LYPD6: variants seen among roughly 807,000 people sequenced by gnomAD.
LYPD6 encodes the protein ly6/PLAUR domain-containing protein 6.
A neutral mutation model predicts 22.7 loss-of-function variants in LYPD6; 15 were observed. That is an observed-to-expected ratio of 0.66 (90% CI 0.44 to 1.02). The LOEUF (loss-of-function observed/expected upper bound fraction) is 1.02, where lower values mean the gene tolerates loss of function less well. Among genes scored for constraint, LYPD6 ranks in the 50% least tolerant of loss-of-function variants. The pLI is 0.00. For missense variants in LYPD6, 189 were observed against 208.4 expected (o/e 0.91, Z 0.57); for synonymous variants, 72 against 77.5 (o/e 0.93, Z 0.37).
rs566743959 is a variant in LYPD6 at position 149,448,617 on chromosome 2, C to T, written c.119-432C>T. On this transcript the variant is annotated intron_variant, in intron 2 of 4. Coordinates refer to ENST00000334166, the MANE Select transcript of LYPD6 (RefSeq NM_194317.5). ...TTTCAAAAATGTCATATAAATGGAA[C>T]CATGCAATATATAACGTTTTGGGAT... 2.9e-4 allele frequency among the ~76,000 whole-genome samples: 44 copies of T among 151,994 alleles called. 1 individual carries two copies. The highest frequency in any genetic ancestry group is 4.7e-4 in the Non-Finnish European group (32 of 68,010).
Position 149,341,167 on chromosome 2 carries a change from C to T in LYPD6, c.-72+10445C>T, listed in dbSNP as rs11891416. Among the ~76,000 whole-genome samples, 928 of 152,056 alleles carry T rather than the reference C, an allele frequency of 6.1e-3. 11 individuals carry two copies. Among genetic ancestry groups the T allele is most frequent in the African/African-American group, 0.021 (856 of 41,494 alleles). On this transcript the variant is annotated intron_variant, in intron 1 of 4. Transcript: ENST00000334166. ...GTTGAGTTCTTTTAATTCAGATTCCCGATCTGAATTAAAAGAACTACCCGA... is the reference window on the plus strand; with the variant it reads ...GTTGAGTTCTTTTAATTCAGATTCCTGATCTGAATTAAAAGAACTACCCGA...
intron 1 of LYPD6, among the ~76,000 whole-genome samples, chr2:149,372,561 C>T (rs753403129): frequency 2.3e-4 from 35 of 152,174 alleles, no homozygotes; most frequent in Non-Finnish European, 3.2e-4. Flanking sequence ...GGAATTGAGA[C>T]ATTTGACATT....
chr2:149,402,045 C>T lies in LYPD6; in HGVS notation c.-71-35593C>T, dbSNP rs143701665. On this transcript the variant is annotated intron_variant, in intron 1 of 4. Transcript: ENST00000334166. ...CATGAGAGGCTTAAAACCTAGATGA[C>T]GGGTTGACAGGTGCAGCAAACCACC... Among the ~76,000 whole-genome samples the T allele has an allele frequency of 3.0e-3, 454 of 151,976 alleles. 3 individuals carry two copies. Among genetic ancestry groups the T allele is most frequent in the South Asian group, 0.014 (68 of 4,798 alleles).
intron 1 of LYPD6, among the ~76,000 whole-genome samples, chr2:149,376,780 G>A (rs995471808): frequency 1.3e-5 from 2 of 152,172 alleles, no homozygotes; most frequent in African/African-American, 4.8e-5. Context: ...AGAAAGATTT[G>A]AAATCCTCAG....
the LYPD6 span, among the ~76,000 whole-genome samples, chr2:149,485,871 G>A: frequency 6.6e-6 from 1 of 152,126 alleles, no homozygotes; most frequent in African/African-American, 2.4e-5. Context: ...TGCAGGCAAA[G>A]ACACTATGGC....
chr2:149,457,902 G>C (rs1681000318), intron 3 of LYPD6, among the ~76,000 whole-genome samples: 1 of 152,162 alleles, frequency 6.6e-6, no homozygotes, highest in Non-Finnish European at 1.5e-5. Flanking sequence ...TTTTCTTTCA[G>C]TCTCATATAT....
At chr2:149,344,993 T>C (rs1219333595) in intron 1 of LYPD6, among the ~76,000 whole-genome samples, 2 of 152,050 alleles carry the variant, frequency 1.3e-5, no homozygotes, top group African/African-American at 4.8e-5. Flanking sequence ...GGCTGCAGTG[T>C]GCTGTGACTG....
At chr2:149,399,662 GAA>G (rs999782144) in intron 1 of LYPD6, among the ~76,000 whole-genome samples, 1 of 146,492 alleles carries the variant, frequency 6.8e-6, no homozygotes, top group Non-Finnish European at 1.5e-5. Context: ...AATAAAAGTG[GAA>G]AAAAACCAAA....
intron 1 of LYPD6, among the ~76,000 whole-genome samples, chr2:149,406,382 G>T (rs1682708519): frequency 6.6e-6 from 1 of 151,448 alleles, no homozygotes; most frequent in Non-Finnish European, 1.5e-5. Flanking sequence ...CTCTTTGTAG[G>T]TCACTCAGGA....
At chr2:149,331,580 A>G (rs952947445) in intron 1 of LYPD6, among the ~76,000 whole-genome samples, 14 of 152,018 alleles carry the variant, frequency 9.2e-5, no homozygotes, top group African/African-American at 3.4e-4. Flanking sequence ...CAAGTGTCAC[A>G]ATCACATCCC....
chr2:149,331,057 C>T (rs76798840), intron 1 of LYPD6, among the ~76,000 whole-genome samples: 111 of 152,308 alleles, frequency 7.3e-4, no homozygotes, highest in African/African-American at 2.5e-3. Flanking sequence ...TCAGCATCTT[C>T]TCACGGCCCA....
chr2:149,337,498 T>C (rs1449551673), intron 1 of LYPD6, among the ~76,000 whole-genome samples: 1 of 152,132 alleles, frequency 6.6e-6, no homozygotes, highest in Non-Finnish European at 1.5e-5. Context: ...GGTTTTGTGC[T>C]TTGGGGCTGG....
At chr2:149,360,248 G>C (rs574031730) in intron 1 of LYPD6, among the ~76,000 whole-genome samples, 110 of 152,200 alleles carry the variant, frequency 7.2e-4, no homozygotes, top group Non-Finnish European at 1.4e-3. Flanking sequence ...GTTTTGGCTA[G>C]CTTCTTTACC....
At chr2:149,413,300 A>T (rs1682893126) in intron 1 of LYPD6, among the ~76,000 whole-genome samples, 1 of 152,200 alleles carries the variant, frequency 6.6e-6, no homozygotes, top group Admixed American at 6.5e-5. Flanking sequence ...TTTGTGAGTT[A>T]CTGGGTACAT....
At chr2:149,385,929 A>G (rs191711299) in intron 1 of LYPD6, among the ~76,000 whole-genome samples, 3 of 152,268 alleles carry the variant, frequency 2.0e-5, no homozygotes, top group African/African-American at 7.2e-5. Flanking sequence ...TTAAGGCAGC[A>G]CTTGGGTCTG....
At chr2:149,378,166 G>T (rs1273382642) in intron 1 of LYPD6, among the ~76,000 whole-genome samples, 1 of 152,088 alleles carries the variant, frequency 6.6e-6, no homozygotes, top group African/African-American at 2.4e-5. Context: ...ACCCAGGCTG[G>T]AATGTAGTAG....
rs762221774 is a variant in LYPD6 at position 149,468,711 on chromosome 2, G to A, written c.284G>A (p.Arg95His). Residue 95 changes from arginine (R) to histidine (H), a missense_variant, in exon 4 of 5, where the codon CGC (arginine) becomes CAC (histidine). Physicochemically the swap from Arg to His is conservative, Grantham distance 29. Coordinates refer to ENST00000334166, the MANE Select transcript of LYPD6 (RefSeq NM_194317.5). ...VTGNSISVTK[R>H]CVPLEECLST... ...GGAAACAGTATCTCAGTCACCAAAC[G>A]CTGTGTCCCACTGGAAGAGTGCTTA... 9.9e-6 allele frequency: 16 copies of A among 1,613,490 alleles called. No individual in the cohort carries two copies. The highest frequency in any genetic ancestry group is 1.3e-5 in the Non-Finnish European group (15 of 1,179,684).
intron 1 of LYPD6, among the ~76,000 whole-genome samples, chr2:149,401,909 C>T (rs764507618): frequency 3.4e-5 from 5 of 145,080 alleles, no homozygotes; most frequent in African/African-American, 5.0e-5. Flanking sequence ...ATCATTCTTA[C>T]GCCTTTGCAT....
chr2:149,416,844 A>G (rs189969284), intron 1 of LYPD6, among the ~76,000 whole-genome samples: 81 of 152,292 alleles, frequency 5.3e-4, no homozygotes, highest in African/African-American at 1.9e-3. Flanking sequence ...TCACCTGCAC[A>G]TTTAGAAGGC....
Sources: allele counts gnomAD v4.1 joint callset (sites outside exome capture counted in the v4.1 genomes callset), GRCh38; gene constraint gnomAD v4.1.1; transcripts MANE v1.5; gene names NCBI Gene and HGNC (gene_info 2026-07-23, HGNC 2026-07-21).